Variants in SPATA13 observed in about 807,000 individuals in gnomAD.
The protein encoded by SPATA13 is spermatogenesis associated 13.
A neutral mutation model predicts 104.0 loss-of-function variants in SPATA13; 50 were observed. That is an observed-to-expected ratio of 0.48 (90% CI 0.38 to 0.61). The LOEUF is 0.61. SPATA13 is among the 20% of genes least tolerant of loss of function. The pLI is 0.00. For missense variants in SPATA13, 1,524 were observed against 1,690.6 expected (o/e 0.90, Z 1.73); for synonymous variants, 606 against 667.5 (o/e 0.91, Z 1.42).
chr13:24,026,211 C>T (rs766760278), intron 3 of SPATA13, among the ~76,000 whole-genome samples: 12 of 152,116 alleles, frequency 7.9e-5, no homozygotes, highest in African/African-American at 2.9e-4. Flanking sequence ...TAATGTATTC[C>T]GTCTTTTTCC....
intron 3 of SPATA13, among the ~76,000 whole-genome samples, chr13:24,029,310 T>C (rs1877370439): frequency 6.6e-6 from 1 of 152,196 alleles, no homozygotes; most frequent in South Asian, 2.1e-4. Flanking sequence ...TTTTACCAGA[T>C]GCGTCAGGAC....
chr13:24,036,502 C>G (rs1300134871), intron 3 of SPATA13, among the ~76,000 whole-genome samples: 1 of 152,188 alleles, frequency 6.6e-6, no homozygotes, highest in Non-Finnish European at 1.5e-5. Context: ...ACTGTAGAAT[C>G]TGGAACAGAC....
intron 3 of SPATA13, among the ~76,000 whole-genome samples, chr13:24,043,979 A>G (rs1436247749): frequency 1.3e-5 from 2 of 152,124 alleles, no homozygotes; most frequent in African/African-American, 4.8e-5. Context: ...TGGAGGTAAG[A>G]TGATGGATTT....
intron 1 of SPATA13, among the ~76,000 whole-genome samples, chr13:24,211,339 A>G (rs1871001435): frequency 6.6e-6 from 1 of 152,164 alleles, no homozygotes; most frequent in South Asian, 2.1e-4. Flanking sequence ...TTCTGATGCT[A>G]GAGGAAAAGC....
At chr13:24,100,540 G>C (rs1178734552) in intron 3 of SPATA13, among the ~76,000 whole-genome samples, 1 of 152,114 alleles carries the variant, frequency 6.6e-6, no homozygotes, top group Non-Finnish European at 1.5e-5. Context: ...TTGTAGTGAT[G>C]GAATGTTCTG....
chr13:24,217,445 G>T (rs1871317141), intron 1 of SPATA13, among the ~76,000 whole-genome samples: 1 of 152,170 alleles, frequency 6.6e-6, no homozygotes, highest in Non-Finnish European at 1.5e-5. Flanking sequence ...GATGTGCAAA[G>T]CCAGCAGCCC....
intron 3 of SPATA13, among the ~76,000 whole-genome samples, chr13:24,024,957 A>AAT (rs1566076728): frequency 6.7e-6 from 1 of 149,186 alleles, no homozygotes; most frequent in Non-Finnish European, 1.5e-5. Context: ...TATATATATA[A>AAT]ATATATATAT....
chr13:24,229,838 G>A (rs940037447), intron 2 of SPATA13, among the ~76,000 whole-genome samples: 5 of 152,234 alleles, frequency 3.3e-5, no homozygotes, highest in Admixed American at 2.6e-4. Flanking sequence ...AGGGAATGTG[G>A]TGATGCCAAT....
At chr13:24,271,031 TCTCTCTCTCA>T in intron 4 of SPATA13, 1 of 718,846 alleles carries the variant, frequency 1.4e-6, no homozygotes, top group South Asian at 1.5e-5. Context: ...ACTCTCTCTC[TCTCTCTCTCA>T]CTCTCTCTCT....
chr13:24,017,380 G>C (rs1262736966), intron 2 of SPATA13, among the ~76,000 whole-genome samples: 1 of 152,214 alleles, frequency 6.6e-6, no homozygotes, highest in South Asian at 2.1e-4. Flanking sequence ...GAAACCCAGG[G>C]CTTAGAGCTT....
chr13:24,153,378 C>T (rs536929033), intron 3 of SPATA13, among the ~76,000 whole-genome samples: 1 of 152,344 alleles, frequency 6.6e-6, no homozygotes, highest in East Asian at 1.9e-4. Flanking sequence ...ACACTCTTCT[C>T]ACACTCCATT....
intron 11 of SPATA13, among the ~76,000 whole-genome samples, chr13:24,299,653 G>A (rs1233279853): frequency 6.6e-6 from 1 of 152,216 alleles, no homozygotes; most frequent in East Asian, 1.9e-4. Context: ...GGCAGTGCAA[G>A]CTAGCAGACA....
chr13:24,224,064 G>T lies in SPATA13; in HGVS notation c.1135G>T (p.Val379Phe). The change falls in exon 2 of 13, where the codon GTC becomes TTC. Residue 379 changes from valine (V) to phenylalanine (F), a missense_variant. Around this residue, in one of 2 missense-constraint regions of SPATA13, gnomAD observed 1,089 missense variants for 1,135.9 expected, o/e 0.96. Coordinates refer to ENST00000382108, the MANE Select transcript of SPATA13 (RefSeq NM_001166271.3). ...GCAGGACAGCAGGCGGGGCGGGGCG[G>T]TCATGCATGGGACCACTGCAACCTG... is the stretch of plus-strand genomic sequence containing the variant. ...TEQDSRRGGA[V>F]MHGTTATCTV... The T allele has an allele frequency of 6.5e-7, 1 of 1,549,570 alleles. No individual in the cohort carries two copies. The highest frequency in any genetic ancestry group is 8.7e-7 in the Non-Finnish European group (1 of 1,145,962).
At chr13:24,116,489 G>A (rs1390377189) in intron 3 of SPATA13, among the ~76,000 whole-genome samples, 1 of 152,228 alleles carries the variant, frequency 6.6e-6, no homozygotes, top group Non-Finnish European at 1.5e-5. Context: ...TGCCGCAGTA[G>A]CATTTCCTGA....
chr13:24,080,985 G>T (rs1879496106), intron 3 of SPATA13, among the ~76,000 whole-genome samples: 1 of 152,102 alleles, frequency 6.6e-6, no homozygotes, highest in African/African-American at 2.4e-5. Flanking sequence ...CATTCCGAGG[G>T]TTCTGTCATC....
chr13:24,275,108 A>T (rs1019236106), intron 4 of SPATA13, among the ~76,000 whole-genome samples: 1 of 152,138 alleles, frequency 6.6e-6, no homozygotes, highest in Non-Finnish European at 1.5e-5. Context: ...TAAAAAAATG[A>T]CACCTCCTCT....
chr13:24,229,595 G>C (rs1223973098), intron 2 of SPATA13, among the ~76,000 whole-genome samples: 1 of 152,004 alleles, frequency 6.6e-6, no homozygotes, highest in Non-Finnish European at 1.5e-5. Context: ...TTTTAAGACA[G>C]GGACGTTAAG....
chr13:24,086,174 G>A (rs1384002880), intron 3 of SPATA13, among the ~76,000 whole-genome samples: 2 of 152,158 alleles, frequency 1.3e-5, no homozygotes, highest in Non-Finnish European at 2.9e-5. Context: ...CATCAGATTT[G>A]GCAAATAAAA....
At position 24,223,595 on chromosome 13, in the gene SPATA13, G is replaced by A. The variant is rs1394754213; in HGVS notation, c.666G>A (p.Ala222=). The A allele has an allele frequency of 9.7e-6, 15 of 1,550,862 alleles. No individual in the cohort carries two copies. Among genetic ancestry groups the A allele is most frequent in the Admixed American group, 7.8e-5 (4 of 51,012 alleles). The change falls in exon 2 of 13, where the codon GCG becomes GCA. Residue 222 remains alanine, a synonymous_variant. Transcript: ENST00000382108. The part of the protein sequence containing the change: ...ICLLDAPQNH[A]TPTIATGQVP... The stretch of plus-strand genomic sequence containing the variant: ...TGCTGGATGCGCCCCAGAACCATGC[G>A]ACACCCACGATAGCCACTGGCCAGG...
Sources: gnomAD v4.1 joint callset for allele counts (sites outside exome capture counted in the v4.1 genomes callset) on GRCh38, gnomAD v4.1.1 for gene constraint, gnomAD v4.1.1 regional missense constraint, MANE v1.5 for transcripts, NCBI Gene and HGNC (gene_info 2026-07-23, HGNC 2026-07-21) for gene names.